The following PHC3 variants were observed in gnomAD, a reference collection of about 807,000 sequenced individuals.
PHC3 encodes the protein polyhomeotic homolog 3.
Under a neutral mutation model 107.4 loss-of-function variants are expected in PHC3, and 13 were observed. The ratio of observed to expected loss-of-function variants is 0.12; its 90% CI spans 0.08 to 0.19. The LOEUF is 0.19. PHC3 is among the 10% of genes least tolerant of loss of function. The pLI is 1.00. For synonymous variants in PHC3, 456 were observed against 427.4 expected, an observed-to-expected ratio of 1.07 and a Z score of -0.83; for missense variants, 992 against 1,210.9, an observed-to-expected ratio of 0.82 and a Z score of 2.68.
intron 4 of PHC3, among the ~76,000 whole-genome samples, chr3:170,164,959 T>G (rs150226071): frequency 1.3e-5 from 2 of 152,304 alleles, no homozygotes; most frequent in Non-Finnish European, 2.9e-5. Flanking sequence ...CAGGTTCATG[T>G]CAGAGAAGGC....
At chr3:170,115,131 T>C (rs990614349) in intron 10 of PHC3, among the ~76,000 whole-genome samples, 1 of 152,140 alleles carries the variant, frequency 6.6e-6, no homozygotes, top group Non-Finnish European at 1.5e-5. Context: ...ATTTAAAATG[T>C]GTATGATTTA....
intron 4 of PHC3, among the ~76,000 whole-genome samples, chr3:170,166,648 T>A (rs1158058682): frequency 1.3e-5 from 2 of 151,520 alleles, no homozygotes; most frequent in Non-Finnish European, 3.0e-5. Flanking sequence ...CAGTGCTATA[T>A]GAAAGGGTAC....
chr3:170,096,051 G>A lies in PHC3; in HGVS notation c.*1179C>T, dbSNP rs1714602798. 1 of 152,186 alleles carries A rather than the reference G, an allele frequency of 6.6e-6. No homozygotes were observed. Among genetic ancestry groups the A allele is most frequent in the Non-Finnish European group, 1.5e-5 (1 of 68,034 alleles). The allele number at this position is 152,186 out of a possible 1,614,324, so 9.4% of individuals were successfully genotyped here. On this transcript the variant is annotated 3_prime_UTR_variant, in exon 15 of 15. Coordinates refer to ENST00000495893, the MANE Select transcript of PHC3 (RefSeq NM_024947.4). ...TCTTGCCAGAAAAGGCTGTGCACTA[G>A]TTCATAGGTATAATCATATTATGTC... is the stretch of plus-strand genomic sequence containing the variant.
chr3:170,102,172 A>T (rs1715599342), intron 14 of PHC3: 2 of 985,378 alleles, frequency 2.0e-6, no homozygotes, highest in African/African-American at 3.5e-5. Context: ...CAATCTCTCT[A>T]CTGACCTCTC....
At chr3:170,121,439 C>T (rs1720285098) in intron 9 of PHC3, among the ~76,000 whole-genome samples, 1 of 152,126 alleles carries the variant, frequency 6.6e-6, no homozygotes. Context: ...ACCTAGAATA[C>T]ACAGTAGCTT....
intron 10 of PHC3, among the ~76,000 whole-genome samples, chr3:170,114,674 A>G (rs1468138830): frequency 9.2e-5 from 14 of 152,216 alleles, no homozygotes; most frequent in Non-Finnish European, 1.5e-5. Context: ...CCTATTTTAG[A>G]AGTATTTTCA....
chr3:170,146,535 C>CTT (rs373420736), intron 5 of PHC3, among the ~76,000 whole-genome samples: 10 of 123,504 alleles, frequency 8.1e-5, no homozygotes, highest in African/African-American at 1.8e-4. Context: ...TTTTCTTTTT[C>CTT]TTTTTTTTTT....
At chr3:170,113,563 G>C (rs1718255709) in intron 10 of PHC3, 44 bp from the exon 11 acceptor site, 1 of 1,537,694 alleles carries the variant, frequency 6.5e-7, no homozygotes, top group Non-Finnish European at 8.8e-7. Flanking sequence ...TCTCCAAAAA[G>C]ACATTCAGAA....
rs1035613632 is a variant in PHC3 at position 170,093,699 on chromosome 3, A to G, written c.*3531T>C. On this transcript the variant is annotated 3_prime_UTR_variant, in exon 15 of 15. Coordinates refer to ENST00000495893, the MANE Select transcript of PHC3 (RefSeq NM_024947.4). Reference sequence around the variant, plus strand: ...ACAAGTCAGTGGGAGACAGGGCACTATAACACATTTCAATTCAATCTAAGA... The same window carrying G: ...ACAAGTCAGTGGGAGACAGGGCACTGTAACACATTTCAATTCAATCTAAGA... 4 of 152,240 alleles carry G rather than the reference A, an allele frequency of 2.6e-5. No individual in the cohort carries two copies. Among genetic ancestry groups the G allele is most frequent in the Admixed American group, 6.5e-5 (1 of 15,276 alleles). 9.4% of individuals were successfully genotyped at this position (152,240 alleles called of 1,614,324 possible). A position where few individuals can be genotyped will look rare whatever the true frequency, so the allele number is the denominator to read the frequency against.
intron 2 of PHC3, among the ~76,000 whole-genome samples, chr3:170,173,089 G>T (rs1465974327): frequency 6.6e-6 from 1 of 151,958 alleles, no homozygotes; most frequent in East Asian, 1.9e-4. Flanking sequence ...CTACTCGGGA[G>T]GCTGAGGCAG....
At chr3:170,101,745 C>T (rs1370153334) in intron 14 of PHC3, among the ~76,000 whole-genome samples, 1 of 151,654 alleles carries the variant, frequency 6.6e-6, no homozygotes, top group Non-Finnish European at 1.5e-5. Flanking sequence ...AGTAGCCAGC[C>T]CCTTGGAGAA....
At chr3:170,128,392 G>A (rs951625697) in intron 8 of PHC3, 1 of 1,337,234 alleles carries the variant, frequency 7.5e-7, no homozygotes, top group African/African-American at 1.5e-5. Context: ...CATTCCCTTG[G>A]GGAAAAAAAA....
In PHC3 at chr3:170,117,360, T is replaced by A; in HGVS notation, c.2059A>T (p.Arg687Trp). Residue 687 changes from arginine (R) to tryptophan (W), a missense_variant, in exon 10 of 15, where the codon AGG (arginine) becomes TGG (tryptophan). Around this residue, in one of 6 missense-constraint regions of PHC3, gnomAD observed 543 missense variants for 590.8 expected, o/e 0.92. Coordinates refer to ENST00000495893, the MANE Select transcript of PHC3 (RefSeq NM_024947.4). ...PPLLLPAATTRSNSTSMHSSI... is the reference protein window; with the variant it reads ...PPLLLPAATTWSNSTSMHSSI... ...CTGTGCATAGATGTACTGTTACTCC[T>A]TGTGGTGGCAGCTGGAAGTAACAAT... The A allele has an allele frequency of 1.2e-6, 2 of 1,613,920 alleles. No individual in the cohort carries two copies. Among genetic ancestry groups the A allele is most frequent in the Non-Finnish European group, 8.5e-7 (1 of 1,179,846 alleles).
intron 2 of PHC3, among the ~76,000 whole-genome samples, chr3:170,177,615 C>G (rs1409076836): frequency 2.6e-5 from 4 of 151,914 alleles, no homozygotes. Context: ...GATCCGCCAG[C>G]CTTGGTCTCC....
chr3:170,115,140 T>C (rs1237161389), intron 10 of PHC3, among the ~76,000 whole-genome samples: 1 of 152,104 alleles, frequency 6.6e-6, no homozygotes, highest in Admixed American at 6.5e-5. Context: ...GTGTATGATT[T>C]ATATATATAG....
intron 14 of PHC3, among the ~76,000 whole-genome samples, chr3:170,100,050 A>C (rs1463402199): frequency 6.6e-6 from 1 of 152,204 alleles, no homozygotes; most frequent in African/African-American, 2.4e-5. Context: ...CATTCTGTTA[A>C]CAGCTCTGAG....
At position 170,095,233 on chromosome 3, in the gene PHC3, A is replaced by G. The variant is rs1234658469; in HGVS notation, c.*1997T>C. The stretch of plus-strand genomic sequence containing the variant: ...ATTATAGAGTACCTAGCTTTCCTTG[A>G]TACTTTAATCCAATGATTAAAAATG... On this transcript the variant is annotated 3_prime_UTR_variant, in exon 15 of 15. Coordinates refer to ENST00000495893, the MANE Select transcript of PHC3 (RefSeq NM_024947.4). The G allele has an allele frequency of 6.6e-6, 1 of 152,160 alleles. No homozygotes were observed. The highest frequency in any genetic ancestry group is 1.5e-5 in the Non-Finnish European group (1 of 68,006). The allele number at this position is 152,160 out of a possible 1,614,324, so 9.4% of individuals were successfully genotyped here.
chr3:170,157,211 C>T (rs1403872115), intron 4 of PHC3, among the ~76,000 whole-genome samples: 2 of 152,138 alleles, frequency 1.3e-5, no homozygotes, highest in African/African-American at 4.8e-5. Flanking sequence ...AAAAAGATCT[C>T]AAGACACACT....
intron 14 of PHC3, chr3:170,102,250 A>G: frequency 1.0e-6 from 1 of 985,450 alleles, no homozygotes; most frequent in Non-Finnish European, 1.2e-6. Context: ...TCACAGCAGA[A>G]GCAGGACTAG....
Sources: gnomAD v4.1 joint callset for allele counts (sites outside exome capture counted in the v4.1 genomes callset) on GRCh38, gnomAD v4.1.1 for gene constraint, gnomAD v4.1.1 regional missense constraint, MANE v1.5 for transcripts, NCBI Gene and HGNC (gene_info 2026-07-23, HGNC 2026-07-21) for gene names.